Variants in ARHGEF17 observed in about 807,000 individuals in gnomAD.
ARHGEF17 encodes 164 kDa Rho-specific guanine-nucleotide exchange factor.
ARHGEF17 carries 80 observed loss-of-function variants against 174.0 expected under a neutral mutation model. The observed-to-expected ratio is 0.46, with a 90% CI of 0.38 to 0.55. ARHGEF17 has a LOEUF of 0.55. Among genes scored for constraint, ARHGEF17 ranks in the 20% least tolerant of loss-of-function variants. ARHGEF17 has a pLI of 0.00. For synonymous variants in ARHGEF17, 1,311 were observed against 1,189.1 expected, an observed-to-expected ratio of 1.10 and a Z score of -2.11; for missense variants, 2,886 against 2,839.7, an observed-to-expected ratio of 1.02 and a Z score of -0.37.
chr11:73,341,917 G>T (rs1865375785), intron 1 of ARHGEF17, among the ~76,000 whole-genome samples: 1 of 152,234 alleles, frequency 6.6e-6, no homozygotes, highest in African/African-American at 2.4e-5. Context: ...CTGAGGCACA[G>T]CTGCAGGGTG....
In ARHGEF17 at chr11:73,332,599, G is replaced by A. The variant is rs117457134; in HGVS notation, c.3193-14284G>A. Among the ~76,000 whole-genome samples, 172 of 152,174 alleles carry A rather than the reference G, an allele frequency of 1.1e-3. 4 individuals carry two copies. The East Asian group carries it at 0.029, about 26-fold the overall frequency. On this transcript the variant is annotated intron_variant, in intron 1 of 20. Coordinates refer to ENST00000263674, the MANE Select transcript of ARHGEF17 (RefSeq NM_014786.4). Reference sequence around the variant, plus strand: ...TGGAAAAGGCTGAGTGGGCGAGTGGGCGTCCTCATGCTGGGAGCCTGGGCT... The same window carrying A: ...TGGAAAAGGCTGAGTGGGCGAGTGGACGTCCTCATGCTGGGAGCCTGGGCT...
chr11:73,310,206 C>T lies in ARHGEF17; in HGVS notation c.1568C>T (p.Pro523Leu). The T allele has an allele frequency of 1.2e-6, 2 of 1,614,020 alleles. No homozygotes were observed. The highest frequency in any genetic ancestry group is 1.1e-5 in the South Asian group (1 of 91,086). ...GGGCAACTTGAACCCATACCCATCC[C>T]AGCCCCAGCATCACCTGGCACGCGC... ...PVGQLEPIPI[P>L]APASPGTRPT... The change falls in exon 1 of 21, where the codon CCA becomes CTA. Residue 523 changes from proline (P) to leucine (L), a missense_variant. Physicochemically the swap from Pro to Leu is moderately conservative, Grantham distance 98. Around this residue, in one of 4 missense-constraint regions of ARHGEF17, gnomAD observed 1,728 missense variants for 1,461.2 expected, o/e 1.18. Transcript: ENST00000263674.
At chr11:73,319,340 G>A (rs1864978221) in intron 1 of ARHGEF17, among the ~76,000 whole-genome samples, 1 of 152,108 alleles carries the variant, frequency 6.6e-6, no homozygotes, top group Admixed American at 6.5e-5. Context: ...GGAATTACAG[G>A]CGTGAGCCAC....
At chr11:73,360,185 C>G in intron 10 of ARHGEF17, 135 bp from the exon 11 acceptor site, 1 of 1,042,706 alleles carries the variant, frequency 9.6e-7, no homozygotes, top group South Asian at 1.5e-5. Context: ...CCCCATATAT[C>G]AAAGGAATCC....
At chr11:73,350,559 C>T (rs970392865) in intron 2 of ARHGEF17, among the ~76,000 whole-genome samples, 4 of 152,178 alleles carry the variant, frequency 2.6e-5, no homozygotes, top group Admixed American at 2.6e-4. Context: ...ACCATCACTG[C>T]CCTCACTAAT....
chr11:73,313,433 C>T (rs1351975079), intron 1 of ARHGEF17, among the ~76,000 whole-genome samples: 1 of 152,098 alleles, frequency 6.6e-6, no homozygotes, highest in East Asian at 1.9e-4. Flanking sequence ...CAGGAGTAAA[C>T]CAAGGGACTC....
Position 73,363,393 on chromosome 11 carries a change from C to A in ARHGEF17, c.5184C>A (p.Asp1728Glu). The A allele has an allele frequency of 6.2e-7, 1 of 1,613,296 alleles. No homozygotes were observed. The change falls in exon 15 of 21, where the codon GAC (aspartate) becomes GAA (glutamate). Residue 1728 changes from aspartate (D) to glutamate (E), a missense_variant. Coordinates refer to ENST00000263674, the MANE Select transcript of ARHGEF17 (RefSeq NM_014786.4). ...CCTTCACCCGGGGCAGCCTTGAGGA[C>A]CTGCTGAGTGTCGACCCTGAGGCCT... ...HGSFTRGSLE[D>E]LLSVDPEAYQ...
intron 1 of ARHGEF17, among the ~76,000 whole-genome samples, chr11:73,321,503 A>G (rs550890311): frequency 1.7e-4 from 26 of 152,320 alleles, no homozygotes; most frequent in African/African-American, 5.5e-4. Context: ...GGTGATATTA[A>G]CAAGTCATTG....
chr11:73,361,014 G>C, intron 11 of ARHGEF17, 74 bp from the exon 12 acceptor site: 1 of 1,276,860 alleles, frequency 7.8e-7, no homozygotes, highest in Non-Finnish European at 1.1e-6. Flanking sequence ...AAGGGGAATG[G>C]GGCAGGGGCA....
intron 1 of ARHGEF17, among the ~76,000 whole-genome samples, chr11:73,329,895 G>C (rs1330153045): frequency 1.3e-5 from 2 of 152,166 alleles, no homozygotes; most frequent in East Asian, 1.9e-4. Flanking sequence ...TGCTGTCCAT[G>C]GGGGTCTGCC....
chr11:73,318,333 C>T (rs183621303), intron 1 of ARHGEF17, among the ~76,000 whole-genome samples: 167 of 152,170 alleles, frequency 1.1e-3, no homozygotes, highest in Non-Finnish European at 1.9e-3. Flanking sequence ...TTGCAGCTGA[C>T]GGGACAGTAA....
chr11:73,333,142 G>A (rs952212698), intron 1 of ARHGEF17, among the ~76,000 whole-genome samples: 1 of 152,172 alleles, frequency 6.6e-6, no homozygotes, highest in African/African-American at 2.4e-5. Context: ...CTAAGGTACT[G>A]GGTGGTTCCA....
chr11:73,317,883 A>G (rs1207436228), intron 1 of ARHGEF17, among the ~76,000 whole-genome samples: 1 of 152,172 alleles, frequency 6.6e-6, no homozygotes. Context: ...AGGGACTTCC[A>G]GGACCCAACC....
intron 1 of ARHGEF17, among the ~76,000 whole-genome samples, chr11:73,334,446 G>A (rs1340044801): frequency 6.6e-6 from 1 of 152,142 alleles, no homozygotes; most frequent in Admixed American, 6.5e-5. Flanking sequence ...GAGGCTGGGA[G>A]GTCACACACG....
intron 2 of ARHGEF17, 83 bp downstream of exon 2, chr11:73,347,043 T>C (rs1299658087): frequency 1.5e-6 from 2 of 1,335,986 alleles, no homozygotes; most frequent in East Asian, 2.4e-5. Context: ...ACCCCTTTCA[T>C]GGACAAGGGA....
intron 1 of ARHGEF17, among the ~76,000 whole-genome samples, chr11:73,320,155 C>T: frequency 6.6e-6 from 1 of 151,932 alleles, no homozygotes. Context: ...ACTGTCAGGT[C>T]CCTTCATCCC....
chr11:73,332,112 T>A (rs1351323935), intron 1 of ARHGEF17, among the ~76,000 whole-genome samples: 1 of 152,230 alleles, frequency 6.6e-6, no homozygotes, highest in Non-Finnish European at 1.5e-5. Context: ...TCTGAGATTC[T>A]GGTTATTCAT....
chr11:73,355,738 G>A, intron 4 of ARHGEF17, 89 bp downstream of exon 4: 1 of 1,556,928 alleles, frequency 6.4e-7, no homozygotes, highest in Non-Finnish European at 8.8e-7. Flanking sequence ...GGGTACCATA[G>A]TCCCAGCCAG....
intron 12 of ARHGEF17, 65 bp downstream of exon 12, chr11:73,361,226 G>A (rs1042123102): frequency 1.4e-6 from 2 of 1,479,942 alleles, no homozygotes; most frequent in Non-Finnish European, 1.9e-6. Flanking sequence ...ATGAATTTTT[G>A]TGTACGACAT....
Sources: gnomAD v4.1 joint callset for allele counts (sites outside exome capture counted in the v4.1 genomes callset) on GRCh38, gnomAD v4.1.1 for gene constraint, gnomAD v4.1.1 regional missense constraint, MANE v1.5 for transcripts, NCBI Gene and HGNC (gene_info 2026-07-23, HGNC 2026-07-21) for gene names.